Variants in UTRN observed in about 807,000 individuals in gnomAD.
UTRN encodes the protein utrophin.
A neutral mutation model predicts 463.9 loss-of-function variants in UTRN; 283 were observed. That is an observed-to-expected ratio of 0.61 (90% CI 0.55 to 0.67). UTRN has a LOEUF of 0.67. UTRN is among the 30% of genes least tolerant of loss of function. UTRN has a pLI of 0.00. For synonymous variants in UTRN, 1,442 were observed against 1,431.5 expected, an observed-to-expected ratio of 1.01 and a Z score of -0.17; for missense variants, 3,922 against 4,084.3, an observed-to-expected ratio of 0.96 and a Z score of 1.08.
At chr6:144,400,123 T>C (rs1456826577) in intron 2 of UTRN, among the ~76,000 whole-genome samples, 1 of 152,160 alleles carries the variant, frequency 6.6e-6, no homozygotes, top group Admixed American at 6.5e-5. Context: ...AGAAACAAAA[T>C]GGTTTTCAAA....
chr6:144,296,266 G>A (rs1804686100), intron 2 of UTRN, among the ~76,000 whole-genome samples: 1 of 152,214 alleles, frequency 6.6e-6, no homozygotes, highest in Non-Finnish European at 1.5e-5. Context: ...GGCAGCATTA[G>A]ATTCTCATAG....
intron 16 of UTRN, 116 bp from the exon 17 acceptor site, chr6:144,448,484 T>TA (rs956077452): frequency 5.9e-6 from 7 of 1,186,842 alleles, no homozygotes; most frequent in Non-Finnish European, 8.4e-6. Context: ...TACAACTGTA[T>TA]AAATGTGCTA....
intron 51 of UTRN, among the ~76,000 whole-genome samples, chr6:144,584,064 TA>T (rs1232497896): frequency 1.3e-5 from 2 of 152,156 alleles, no homozygotes; most frequent in Non-Finnish European, 2.9e-5. Flanking sequence ...AAAGACATTT[TA>T]AAAAAATGAT....
intron 51 of UTRN, among the ~76,000 whole-genome samples, chr6:144,597,487 GA>G (rs1377212818): frequency 6.6e-6 from 1 of 152,142 alleles, no homozygotes; most frequent in African/African-American, 2.4e-5. Context: ...TGTCCTTTAT[GA>G]AAGCTGTCAT....
intron 33 of UTRN, 61 bp from the exon 34 acceptor site, chr6:144,499,196 A>C: frequency 2.6e-6 from 4 of 1,523,862 alleles, no homozygotes; most frequent in Non-Finnish European, 3.6e-6. Context: ...ATTCTGATTC[A>C]TTCTCATTTA....
intron 69 of UTRN, among the ~76,000 whole-genome samples, chr6:144,832,993 T>A (rs1343921107): frequency 6.6e-6 from 1 of 152,114 alleles, no homozygotes; most frequent in Admixed American, 6.5e-5. Context: ...CTAATTTTTG[T>A]ATTTTTAGTA....
intron 73 of UTRN, 29 bp from the exon 74 acceptor site, chr6:144,846,776 T>C (rs549358823): frequency 1.2e-6 from 2 of 1,613,910 alleles, no homozygotes; most frequent in African/African-American, 2.7e-5. Flanking sequence ...GGACTGCCAT[T>C]AAGTGATTTC....
chr6:144,635,514 CTTTTTTTTTTTTTTTCTTTTCTTTTTT>C (rs1777043782), intron 51 of UTRN, among the ~76,000 whole-genome samples: 4 of 80,012 alleles, frequency 5.0e-5, no homozygotes, highest in Non-Finnish European at 8.9e-5. Context: ...CTTTTTTTTT[CTTTTTTTTTTTTTTTCTTTTCTTTTTT>C]TTTTTTTTTT....
intron 52 of UTRN, among the ~76,000 whole-genome samples, chr6:144,688,391 G>A (rs1048834424): frequency 6.6e-6 from 1 of 151,952 alleles, no homozygotes; most frequent in East Asian, 1.9e-4. Flanking sequence ...ATATTGATTT[G>A]GATTTATTGC....
intron 2 of UTRN, among the ~76,000 whole-genome samples, chr6:144,391,683 C>A (rs1781940792): frequency 6.6e-6 from 1 of 152,154 alleles, no homozygotes; most frequent in African/African-American, 2.4e-5. Context: ...TCTCTGCCGC[C>A]CAGGCTAGAG....
At chr6:144,651,751 T>G (rs1346162359) in intron 51 of UTRN, among the ~76,000 whole-genome samples, 1 of 152,230 alleles carries the variant, frequency 6.6e-6, no homozygotes, top group East Asian at 1.9e-4. Flanking sequence ...TGTGTAGTGT[T>G]GTCAGTTTGC....
intron 7 of UTRN, among the ~76,000 whole-genome samples, chr6:144,427,473 G>T (rs906960139): frequency 6.6e-6 from 1 of 152,054 alleles, no homozygotes; most frequent in Non-Finnish European, 1.5e-5. Flanking sequence ...GAGGAGGAGG[G>T]ATTAGAATGT....
In UTRN at chr6:144,635,514, CTTTTTTTTTTTT is replaced by C. The variant is rs1402815648; in HGVS notation, c.7480-42888_7480-42877del. On this transcript the variant is annotated intron_variant, in intron 51 of 74. Coordinates refer to ENST00000367545, the MANE Select transcript of UTRN (RefSeq NM_007124.3). Reference sequence around the variant, plus strand: ...TACTTAGCAGCTAGCCTTTTTTTTTCTTTTTTTTTTTTTTTCTTTTCTTTTTTTTTTTTTTTT... The same window carrying C: ...TACTTAGCAGCTAGCCTTTTTTTTTCTTTCTTTTCTTTTTTTTTTTTTTTT... 7.5e-5 allele frequency among the ~76,000 whole-genome samples: 6 copies of C among 80,032 alleles called. No individual in the cohort carries two copies. The South Asian group carries it at 1.6e-3, about 22-fold the overall frequency. The allele number at this position is 80,032 out of a possible 152,430, so 52.5% of individuals were successfully genotyped here.
chr6:144,396,788 A>G (rs1782466667), intron 2 of UTRN, among the ~76,000 whole-genome samples: 1 of 152,078 alleles, frequency 6.6e-6, no homozygotes, highest in African/African-American at 2.4e-5. Context: ...GATTTATGGC[A>G]CCATCCAACT....
At chr6:144,615,954 T>G (rs1806039095) in intron 51 of UTRN, among the ~76,000 whole-genome samples, 1 of 152,134 alleles carries the variant, frequency 6.6e-6, no homozygotes, top group Non-Finnish European at 1.5e-5. Context: ...ATTTTAAAAA[T>G]TTTTAACCAT....
At chr6:144,802,498 T>C (rs1313099875) in intron 64 of UTRN, among the ~76,000 whole-genome samples, 2 of 152,218 alleles carry the variant, frequency 1.3e-5, no homozygotes, top group Non-Finnish European at 1.5e-5. Context: ...TAGAAACTTA[T>C]CGTCTAAGGT....
At chr6:144,465,909 T>A (rs1789912630) in intron 23 of UTRN, among the ~76,000 whole-genome samples, 1 of 152,242 alleles carries the variant, frequency 6.6e-6, no homozygotes, top group Non-Finnish European at 1.5e-5. Context: ...CGTTTATTTT[T>A]AAAATGCATT....
chr6:144,769,895 A>G (rs6570644), intron 58 of UTRN, among the ~76,000 whole-genome samples: 74,522 of 152,028 alleles, frequency 0.49, 23,863 homozygotes, highest in East Asian at 0.87. Flanking sequence ...ATTTGTTGGT[A>G]ATAGGGAGGA....
intron 2 of UTRN, among the ~76,000 whole-genome samples, chr6:144,332,904 T>TTTTA (rs200334669): frequency 0.071 from 10,335 of 145,150 alleles, 432 homozygotes; most frequent in South Asian, 0.13. Flanking sequence ...GATATTAACC[T>TTTTA]TTTATTTATT....
Sources: gnomAD v4.1 joint callset for allele counts (sites outside exome capture counted in the v4.1 genomes callset) on GRCh38, gnomAD v4.1.1 for gene constraint, MANE v1.5 for transcripts, NCBI Gene and HGNC (gene_info 2026-07-23, HGNC 2026-07-21) for gene names.